RBFOX1: variants seen among roughly 807,000 people sequenced by gnomAD.
The protein encoded by RBFOX1 is RNA binding protein fox-1 homolog 1.
Under a neutral mutation model 57.7 loss-of-function variants are expected in RBFOX1, and 8 were observed. The observed-to-expected ratio is 0.14, with a 90% confidence interval of 0.08 to 0.25. The LOEUF is 0.25. Ranked by LOEUF, RBFOX1 falls within the 10% of genes least tolerant of loss-of-function variation. The probability of loss-of-function intolerance (pLI) is 1.00; values close to 1 mark genes in which losing one functional copy is unlikely to be tolerated. For synonymous variants in RBFOX1, 326 were observed against 222.4 expected, an observed-to-expected ratio of 1.47 and a Z score of -4.15; for missense variants, 611 against 548.5, an observed-to-expected ratio of 1.11 and a Z score of -1.14.
intron 3 of RBFOX1, among the ~76,000 whole-genome samples, chr16:6,752,990 C>T (rs530550733): frequency 1.3e-5 from 2 of 152,126 alleles, no homozygotes; most frequent in South Asian, 4.2e-4. Flanking sequence ...TACAAATGTG[C>T]AAATTTCAAA....
chr16:6,716,044 G>C (rs1341326009), intron 3 of RBFOX1, among the ~76,000 whole-genome samples: 2 of 152,086 alleles, frequency 1.3e-5, no homozygotes, highest in South Asian at 4.1e-4. Context: ...ACGGTTTTGT[G>C]AGCTCACACT....
At chr16:6,494,505 A>G (rs969527702) in intron 2 of RBFOX1, among the ~76,000 whole-genome samples, 1 of 152,222 alleles carries the variant, frequency 6.6e-6, no homozygotes, top group Middle Eastern at 3.2e-3. Flanking sequence ...TTGACTCATC[A>G]TTCCCTGGAG....
At chr16:6,588,698 C>T (rs1322560032) in intron 2 of RBFOX1, among the ~76,000 whole-genome samples, 2 of 152,072 alleles carry the variant, frequency 1.3e-5, no homozygotes, top group Non-Finnish European at 2.9e-5. Flanking sequence ...ATTTTTTGGT[C>T]TTCTATGATG....
intron 3 of RBFOX1, among the ~76,000 whole-genome samples, chr16:5,769,321 C>G (rs757388843): frequency 7.9e-5 from 12 of 151,872 alleles, no homozygotes; most frequent in Non-Finnish European, 1.6e-4. Flanking sequence ...GGGCCCTAAT[C>G]CAGTATGACT....
chr16:6,015,550 C>G (rs1376689556), upstream of RBFOX1, among the ~76,000 whole-genome samples: 3 of 152,228 alleles, frequency 2.0e-5, no homozygotes, highest in African/African-American at 7.2e-5. Flanking sequence ...GTTCCAGCTT[C>G]TACTCTCTTG....
intron 3 of RBFOX1, among the ~76,000 whole-genome samples, chr16:6,656,830 C>A (rs1432694732): frequency 6.6e-6 from 1 of 151,948 alleles, no homozygotes; most frequent in Non-Finnish European, 1.5e-5. Context: ...CAGTGTCTTA[C>A]TCTCTAAGGA....
intron 6 of RBFOX1, among the ~76,000 whole-genome samples, chr16:7,581,123 C>CA (rs2093726055): frequency 6.6e-6 from 1 of 152,128 alleles, no homozygotes; most frequent in Admixed American, 6.5e-5. Flanking sequence ...ATGCATCTGA[C>CA]ACAAAAGCAG....
At chr16:6,979,565 G>T (rs927823030) in intron 3 of RBFOX1, among the ~76,000 whole-genome samples, 7 of 152,168 alleles carry the variant, frequency 4.6e-5, no homozygotes, top group Non-Finnish European at 8.8e-5. Flanking sequence ...TGCAAAAGAA[G>T]AGATAGCAGG....
At chr16:7,124,529 C>T (rs1423179174) in intron 4 of RBFOX1, among the ~76,000 whole-genome samples, 2 of 86,518 alleles carry the variant, frequency 2.3e-5, no homozygotes, top group African/African-American at 8.1e-5. Flanking sequence ...CCCCTCCCCT[C>T]CTTCCTTCCC....
intron 3 of RBFOX1, among the ~76,000 whole-genome samples, chr16:6,935,448 A>G (rs965161260): frequency 2.6e-5 from 4 of 152,074 alleles, no homozygotes; most frequent in African/African-American, 7.2e-5. Context: ...CTTCTTGTCA[A>G]TTTTCTTTTG....
At chr16:6,956,503 A>T (rs932828816) in intron 3 of RBFOX1, among the ~76,000 whole-genome samples, 1 of 152,170 alleles carries the variant, frequency 6.6e-6, no homozygotes, top group Non-Finnish European at 1.5e-5. Flanking sequence ...TTTTAATTTC[A>T]GAGTAAACCT....
At chr16:5,352,295 C>T (rs1366663656) in intron 1 of RBFOX1, among the ~76,000 whole-genome samples, 1 of 152,262 alleles carries the variant, frequency 6.6e-6, no homozygotes, top group African/African-American at 2.4e-5. Context: ...CAGCTATATC[C>T]AACTTTAAAA....
At chr16:6,033,331 G>C (rs1329903892) in intron 1 of RBFOX1, among the ~76,000 whole-genome samples, 1 of 152,072 alleles carries the variant, frequency 6.6e-6, no homozygotes, top group East Asian at 1.9e-4. Flanking sequence ...TTATTTAATA[G>C]TTTTGATTAA....
At chr16:7,700,696 G>C (rs748209502) in intron 14 of RBFOX1, among the ~76,000 whole-genome samples, 6 of 152,158 alleles carry the variant, frequency 3.9e-5, no homozygotes, top group Non-Finnish European at 8.8e-5. Flanking sequence ...CTTTTTTAGA[G>C]GAGGTATTCT....
chr16:5,634,539 A>G (rs1020662807), intron 3 of RBFOX1, among the ~76,000 whole-genome samples: 1 of 152,262 alleles, frequency 6.6e-6, no homozygotes, highest in Non-Finnish European at 1.5e-5. Context: ...GATTAAGGAT[A>G]CATATCTATC....
At chr16:5,253,755 C>A (rs893849152) in intron 1 of RBFOX1, among the ~76,000 whole-genome samples, 2 of 152,232 alleles carry the variant, frequency 1.3e-5, no homozygotes, top group Non-Finnish European at 1.5e-5. Context: ...CATTTGCTCT[C>A]TCTGGCCTCT....
chr16:6,336,513 AT>A (rs1189995848), intron 2 of RBFOX1, among the ~76,000 whole-genome samples: 2 of 152,096 alleles, frequency 1.3e-5, no homozygotes, highest in Non-Finnish European at 2.9e-5. Flanking sequence ...CAGAGCTGAT[AT>A]CTCATGATGT....
At chr16:6,714,420 C>T (rs561823073) in intron 3 of RBFOX1, among the ~76,000 whole-genome samples, 75 of 152,208 alleles carry the variant, frequency 4.9e-4, no homozygotes, top group African/African-American at 1.8e-3. Context: ...TTTGTGAAGC[C>T]ACTGACCACT....
chr16:6,988,210 T>G (rs2090711941), intron 3 of RBFOX1, among the ~76,000 whole-genome samples: 1 of 152,176 alleles, frequency 6.6e-6, no homozygotes, highest in South Asian at 2.1e-4. Flanking sequence ...CCCCTAAATT[T>G]TTGGAAACAA....
Sources: gnomAD v4.1 joint callset for allele counts (sites outside exome capture counted in the v4.1 genomes callset) on GRCh38, gnomAD v4.1.1 for gene constraint, MANE v1.5 for transcripts, NCBI Gene and HGNC (gene_info 2026-07-23, HGNC 2026-07-21) for gene names.